The following ZFHX4 variants were observed in gnomAD, a reference collection of about 807,000 sequenced individuals.
ZFHX4 encodes the protein zinc finger homeobox 4, also known as zinc finger homeobox protein 4.
A neutral mutation model predicts 267.6 loss-of-function variants in ZFHX4; 56 were observed. The observed-to-expected ratio is 0.21, with a 90% confidence interval of 0.17 to 0.26. ZFHX4 has a LOEUF of 0.26. ZFHX4 is among the 10% of genes least tolerant of loss of function. The probability of loss-of-function intolerance (pLI) is 1.00; values close to 1 mark genes in which losing one functional copy is unlikely to be tolerated. For missense variants in ZFHX4, 4,332 were observed against 4,420.0 expected, an observed-to-expected ratio of 0.98 and a Z score of 0.56; for synonymous variants, 1,778 against 1,665.6, an observed-to-expected ratio of 1.07 and a Z score of -1.64.
At chr8:76,684,546 G>A (rs1807642639) in intron 1 of ZFHX4, among the ~76,000 whole-genome samples, 1 of 152,116 alleles carries the variant, frequency 6.6e-6, no homozygotes, top group African/African-American at 2.4e-5. Context: ...ATGAAGATAG[G>A]GTCAATGAAA....
chr8:76,809,229 T>C (rs1025940208), intron 4 of ZFHX4, among the ~76,000 whole-genome samples: 1 of 152,166 alleles, frequency 6.6e-6, no homozygotes, highest in African/African-American at 2.4e-5. Flanking sequence ...ATAACGCTTG[T>C]CTTGGTACTT....
At chr8:76,685,221 C>G (rs540162756) in intron 1 of ZFHX4, among the ~76,000 whole-genome samples, 1 of 152,194 alleles carries the variant, frequency 6.6e-6, no homozygotes, top group South Asian at 2.1e-4. Flanking sequence ...CACCAAGGGT[C>G]GACAATGTGT....
rs185098902 is a variant in ZFHX4 at position 76,691,458 on chromosome 8, G to A, written c.-47+9838G>A. ...AAGTCAAGGCTGTGATGTTTTGGAG[G>A]CAGCATAATGTACAGAAAGAATAAC... On this transcript the variant is annotated intron_variant, in intron 1 of 10. Transcript: ENST00000651372. Among the ~76,000 whole-genome samples the A allele has an allele frequency of 1.6e-4, 24 of 152,170 alleles. No individual in the cohort carries two copies. The East Asian group carries it at 4.6e-3, about 29-fold the overall frequency.
At chr8:76,808,200 A>G (rs926394249) in intron 4 of ZFHX4, among the ~76,000 whole-genome samples, 1 of 152,142 alleles carries the variant, frequency 6.6e-6, no homozygotes, top group African/African-American at 2.4e-5. Context: ...AACTTTTACT[A>G]GTCAATTGTT....
At chr8:76,779,052 G>A (rs749352669) in intron 4 of ZFHX4, among the ~76,000 whole-genome samples, 2 of 152,118 alleles carry the variant, frequency 1.3e-5, no homozygotes, top group South Asian at 2.1e-4. Flanking sequence ...TCCCTAAAGT[G>A]TCCTGTTTAT....
At chr8:76,750,208 G>A (rs1349824221) in intron 3 of ZFHX4, among the ~76,000 whole-genome samples, 1 of 152,088 alleles carries the variant, frequency 6.6e-6, no homozygotes, top group Non-Finnish European at 1.5e-5. Flanking sequence ...GATGTCTCCA[G>A]TTCAAGGAGA....
chr8:76,744,792 C>T (rs1242340849), intron 3 of ZFHX4, among the ~76,000 whole-genome samples: 1 of 152,092 alleles, frequency 6.6e-6, no homozygotes, highest in Non-Finnish European at 1.5e-5. Context: ...TATTTACTTA[C>T]AAGTATGTAG....
At chr8:76,739,010 C>T (rs1487955486) in intron 3 of ZFHX4, among the ~76,000 whole-genome samples, 3 of 152,046 alleles carry the variant, frequency 2.0e-5, no homozygotes, top group South Asian at 2.1e-4. Context: ...CCACCATGCC[C>T]GGTCTGCTTT....
chr8:76,744,100 C>G (rs950897675), intron 3 of ZFHX4, among the ~76,000 whole-genome samples: 1 of 152,092 alleles, frequency 6.6e-6, no homozygotes, highest in Non-Finnish European at 1.5e-5. Context: ...AATCCCAGCA[C>G]TTTGAGAGGC....
intron 3 of ZFHX4, among the ~76,000 whole-genome samples, chr8:76,725,200 A>G (rs1808820747): frequency 6.6e-6 from 1 of 152,136 alleles, no homozygotes; most frequent in Non-Finnish European, 1.5e-5. Context: ...ATCAGTGCTA[A>G]AAACAAGCAA....
intron 3 of ZFHX4, among the ~76,000 whole-genome samples, chr8:76,736,275 C>T (rs1809157855): frequency 1.3e-5 from 2 of 151,440 alleles, no homozygotes; most frequent in Non-Finnish European, 2.9e-5. Flanking sequence ...TAAGTCAAGC[C>T]TTGAAAAAAA....
intron 4 of ZFHX4, among the ~76,000 whole-genome samples, chr8:76,811,482 C>G (rs1811376709): frequency 6.6e-6 from 1 of 152,048 alleles, no homozygotes. Flanking sequence ...GTGTGGTATT[C>G]TCTGTTAGAG....
chr8:76,694,612 C>T (rs1162308898), intron 1 of ZFHX4, among the ~76,000 whole-genome samples: 1 of 151,766 alleles, frequency 6.6e-6, no homozygotes, highest in East Asian at 2.0e-4. Context: ...CTTAAATCCC[C>T]AGAGCATCAT....
intron 1 of ZFHX4, among the ~76,000 whole-genome samples, chr8:76,696,669 A>C (rs2131592039): frequency 6.6e-6 from 1 of 151,528 alleles, no homozygotes; most frequent in South Asian, 2.1e-4. Context: ...AAAAATCCCC[A>C]AACAAAAGGC....
chr8:76,717,969 G>T (rs185512525), intron 3 of ZFHX4, among the ~76,000 whole-genome samples: 2 of 152,124 alleles, frequency 1.3e-5, no homozygotes, highest in African/African-American at 2.4e-5. Flanking sequence ...TATTCGTTTG[G>T]CAGGCCTGAG....
rs1006955954 is a variant in ZFHX4 at position 76,855,451 on chromosome 8, A to T, written c.8530A>T (p.Thr2844Ser). ...GGCTTTGTCTCCCAAAGAGCCAAAA[A>T]CTCTGGATACTCTGCCAAAACCTGC... Reference protein sequence around the residue: ...KPALSPKEPKTLDTLPKPATT... With the variant: ...KPALSPKEPKSLDTLPKPATT... The change falls in exon 10 of 11, where the codon ACT (threonine) becomes TCT (serine). Residue 2844 changes from threonine (T) to serine (S), a missense_variant. Physicochemically the swap from Thr to Ser is moderately conservative, Grantham distance 58. Around this residue, in one of 7 missense-constraint regions of ZFHX4, gnomAD observed 1,648 missense variants for 1,625.0 expected, o/e 1.01. Coordinates refer to ENST00000651372, the MANE Select transcript of ZFHX4 (RefSeq NM_024721.5). 6.2e-7 allele frequency: 1 copy of T among 1,613,300 alleles called. No homozygotes were observed.
chr8:76,740,543 A>C (rs73356754), intron 3 of ZFHX4, among the ~76,000 whole-genome samples: 2,594 of 152,216 alleles, frequency 0.017, 82 homozygotes, highest in African/African-American at 0.057. Context: ...GTCAAGGAGA[A>C]AACACCTTTA....
chr8:76,796,913 T>C (rs965391487), intron 4 of ZFHX4, among the ~76,000 whole-genome samples: 3 of 152,188 alleles, frequency 2.0e-5, no homozygotes. Context: ...GTTCCTTGAA[T>C]GATTTCTAAC....
In ZFHX4 at chr8:76,816,600, T is replaced by C. The variant is rs1019354427; in HGVS notation, c.3326-16738T>C. ...TGTTAATTTAAATGTCTTTTTTTTTTTTTTTTTTTTTTGAGACAGAGTCTT... is the reference window on the plus strand; with the variant it reads ...TGTTAATTTAAATGTCTTTTTTTTTCTTTTTTTTTTTTGAGACAGAGTCTT... On this transcript the variant is annotated intron_variant, in intron 4 of 10. Transcript: ENST00000651372. Among the ~76,000 whole-genome samples the C allele has an allele frequency of 5.4e-5, 8 of 148,856 alleles. No homozygotes were observed. In the East Asian group the frequency reaches 1.6e-3, roughly 29 times the overall value.
Sources: allele counts gnomAD v4.1 joint callset (sites outside exome capture counted in the v4.1 genomes callset), GRCh38; gene constraint gnomAD v4.1.1; regional missense constraint gnomAD v4.1.1; transcripts MANE v1.5; gene names NCBI Gene and HGNC (gene_info 2026-07-23, HGNC 2026-07-21).